Variants in PHLPP1 observed in about 807,000 individuals in gnomAD.
The protein encoded by PHLPP1 is PH domain and leucine rich repeat protein phosphatase 1.
PHLPP1 carries 42 observed loss-of-function variants against 117.2 expected under a neutral mutation model. The observed-to-expected ratio is 0.36, with a 90% CI of 0.28 to 0.46. The LOEUF is 0.46. Ranked by LOEUF, PHLPP1 falls within the 20% of genes least tolerant of loss-of-function variation. The probability of loss-of-function intolerance (pLI) is 1.00; values close to 1 mark genes in which losing one functional copy is unlikely to be tolerated. For synonymous variants in PHLPP1, 1,042 were observed against 970.7 expected (o/e 1.07, Z -1.37); for missense variants, 2,084 against 2,241.9 (o/e 0.93, Z 1.42).
At position 62,842,402 on chromosome 18, in the gene PHLPP1, C is replaced by T. The variant is rs1040497262; in HGVS notation, c.1899+3493C>T. Among the ~76,000 whole-genome samples the T allele has an allele frequency of 5.9e-5, 9 of 151,544 alleles. No individual in the cohort carries two copies. The South Asian group carries it at 8.3e-4, about 14-fold the overall frequency. On this transcript the variant is annotated intron_variant, in intron 3 of 16. Transcript: ENST00000262719. ...TTTTTGAGATGGAGTCTTGCTCTGT[C>T]GCTGAGCCTGGAGTGCAGTAGTGTG...
At chr18:62,938,725 T>G (rs1297799366) in intron 10 of PHLPP1, among the ~76,000 whole-genome samples, 1 of 152,192 alleles carries the variant, frequency 6.6e-6, no homozygotes, top group Non-Finnish European at 1.5e-5. Context: ...GTTCCTTAAT[T>G]ACAGACAACT....
At chr18:62,748,480 C>T (rs1911746444) in intron 1 of PHLPP1, among the ~76,000 whole-genome samples, 1 of 152,094 alleles carries the variant, frequency 6.6e-6, no homozygotes, top group Admixed American at 6.5e-5. Context: ...CTCCTGGGCT[C>T]AAGCAGTCTG....
rs774225759 is a variant in PHLPP1, at chr18:62,900,433, CTTTTTTTTTTTT to C, written c.2445-2514_2445-2503del. Among the ~76,000 whole-genome samples the C allele has an allele frequency of 1.6e-3, 89 of 54,262 alleles. 1 individual carries two copies. Among genetic ancestry groups the C allele is most frequent in the South Asian group, 0.016 (21 of 1,338 alleles). 35.6% of individuals were successfully genotyped at this position (54,262 alleles called of 152,430 possible). The stretch of plus-strand genomic sequence containing the variant: ...GTATTCTTGTTTTTTCTTTTTCTTT[CTTTTTTTTTTTT>C]TTTTTTTTTTTTTTTTGAGACAGGG... On this transcript the variant is annotated intron_variant, in intron 6 of 16. Transcript: ENST00000262719.
In PHLPP1 at chr18:62,716,028, C is replaced by T; in HGVS notation, c.345C>T (p.Gly115=). Residue 115 remains glycine (G), a synonymous_variant, in exon 1 of 17, where the codon GGC becomes GGT. Transcript: ENST00000262719. This position sits in a 1 kb window ranked among gnomAD's most constrained non-coding sequence, Gnocchi z 5.7. ...GAAPVPGAGG[G]ANSLLLRRGR... The stretch of plus-strand genomic sequence containing the variant: ...CCCCCGTACCCGGGGCCGGCGGCGG[C>T]GCCAACTCCCTCCTGCTGAGGAGAG... 6.4e-6 allele frequency: 9 copies of T among 1,401,710 alleles called. No individual in the cohort carries two copies. Among genetic ancestry groups the T allele is most frequent in the Non-Finnish European group, 5.5e-6 (6 of 1,087,042 alleles). The allele number at this position is 1,401,710 out of a possible 1,614,324, so 86.8% of individuals were successfully genotyped here.
chr18:62,826,771 G>A (rs529880539), intron 1 of PHLPP1, among the ~76,000 whole-genome samples: 1 of 152,272 alleles, frequency 6.6e-6, no homozygotes, highest in South Asian at 2.1e-4. Context: ...GGGAGGCCGA[G>A]GTGGGTGGAT....
At chr18:62,760,670 G>A (rs114272706) in intron 1 of PHLPP1, among the ~76,000 whole-genome samples, 1,816 of 152,190 alleles carry the variant, frequency 0.012, 38 homozygotes, top group African/African-American at 0.042. Context: ...CTTCCTCCAC[G>A]TCCACATTGT....
intron 1 of PHLPP1, among the ~76,000 whole-genome samples, chr18:62,823,986 G>A (rs1914539372): frequency 6.6e-6 from 1 of 152,212 alleles, no homozygotes; most frequent in Non-Finnish European, 1.5e-5. Context: ...ACAAAAATTA[G>A]CCAGGCGTGG....
chr18:62,802,388 G>A (rs1913813554), intron 1 of PHLPP1, among the ~76,000 whole-genome samples: 1 of 152,156 alleles, frequency 6.6e-6, no homozygotes, highest in South Asian at 2.1e-4. Context: ...AAGGAAAAGA[G>A]CAAAGTGGAG....
chr18:62,900,591 A>G (rs553379055), intron 6 of PHLPP1, among the ~76,000 whole-genome samples: 1 of 151,128 alleles, frequency 6.6e-6, no homozygotes, highest in South Asian at 2.1e-4. Context: ...CCAGCCTCTC[A>G]AATAGCTGGG....
intron 1 of PHLPP1, among the ~76,000 whole-genome samples, chr18:62,783,236 T>C (rs1295338722): frequency 6.7e-6 from 1 of 148,816 alleles, no homozygotes; most frequent in Non-Finnish European, 1.5e-5. Flanking sequence ...TTTCTTTTTT[T>C]TTTTTTTTTG....
intron 3 of PHLPP1, among the ~76,000 whole-genome samples, chr18:62,848,383 T>C (rs1915234408): frequency 6.6e-6 from 1 of 152,004 alleles, no homozygotes; most frequent in Non-Finnish European, 1.5e-5. Flanking sequence ...TGGCAAGCAC[T>C]GTTGAAGATA....
intron 8 of PHLPP1, among the ~76,000 whole-genome samples, chr18:62,912,076 C>G (rs1260710292): frequency 8.7e-6 from 1 of 114,846 alleles, no homozygotes; most frequent in African/African-American, 3.3e-5. Context: ...ACCGCATATT[C>G]TCACTCATAG....
chr18:62,820,557 G>T (rs1012418043), intron 1 of PHLPP1, among the ~76,000 whole-genome samples: 1 of 152,202 alleles, frequency 6.6e-6, no homozygotes, highest in Non-Finnish European at 1.5e-5. Flanking sequence ...GATGGTGAGT[G>T]AGTTCTCATG....
At position 62,803,107 on chromosome 18, in the gene PHLPP1, CAA is replaced by C. The variant is rs369838802; in HGVS notation, c.1577-26926_1577-26925del. Among the ~76,000 whole-genome samples, 208 of 152,246 alleles carry C rather than the reference CAA, an allele frequency of 1.4e-3. 1 individual carries two copies. Among genetic ancestry groups the C allele is most frequent in the African/African-American group, 4.6e-3 (193 of 41,552 alleles). On this transcript the variant is annotated intron_variant, in intron 1 of 16. Coordinates refer to ENST00000262719, the MANE Select transcript of PHLPP1 (RefSeq NM_194449.4). ...ATAAAATCAGATTTAGAAATAATCT[CAA>C]ATGTTTTGTTCTGGAAGACTATGCT...
rs1916237789 is a variant in PHLPP1 at position 62,884,474 on chromosome 18, T to C, written c.2067-10537T>C. Among the ~76,000 whole-genome samples the C allele has an allele frequency of 4.6e-5, 7 of 152,362 alleles. No individual in the cohort carries two copies. The South Asian group carries it at 1.4e-3, about 32-fold the overall frequency. ...AAATACAGTGAGTCTTACAGAGCAC[T>C]GACAGCCTGGCAACTCCCCACTAAG... On this transcript the variant is annotated intron_variant, in intron 4 of 16. Coordinates refer to ENST00000262719, the MANE Select transcript of PHLPP1 (RefSeq NM_194449.4).
At chr18:62,728,111 A>G (rs972628327) in intron 1 of PHLPP1, among the ~76,000 whole-genome samples, 4 of 151,986 alleles carry the variant, frequency 2.6e-5, no homozygotes, top group African/African-American at 4.8e-5. Context: ...CCTGGCCAAC[A>G]TGGTGAAACC....
Position 62,766,765 on chromosome 18 carries a change from A to T in PHLPP1, c.1576+49506A>T, listed in dbSNP as rs537438205. On this transcript the variant is annotated intron_variant, in intron 1 of 16. Transcript: ENST00000262719. ...TGGCTTTCCTGTCTTACTGGTTTTG[A>T]ACTTGGGCTGGAAAAATAAGGGTGT... 2.6e-5 allele frequency among the ~76,000 whole-genome samples: 4 copies of T among 152,218 alleles called. No individual in the cohort carries two copies. In the South Asian group the frequency reaches 8.3e-4, roughly 32 times the overall value.
chr18:62,788,112 A>G (rs1913350034), intron 1 of PHLPP1, among the ~76,000 whole-genome samples: 1 of 152,198 alleles, frequency 6.6e-6, no homozygotes, highest in Non-Finnish European at 1.5e-5. Flanking sequence ...AGCATTTTCT[A>G]TCTGTTTGAA....
At chr18:62,921,023 A>T (rs2144426830) in intron 10 of PHLPP1, among the ~76,000 whole-genome samples, 1 of 152,364 alleles carries the variant, frequency 6.6e-6, no homozygotes, top group African/African-American at 2.4e-5. Context: ...TTTCAACATT[A>T]AATGAAGCTC....
Sources: allele counts gnomAD v4.1 joint callset (sites outside exome capture counted in the v4.1 genomes callset), GRCh38; gene constraint gnomAD v4.1.1; non-coding constraint Gnocchi (gnomAD v3.1); transcripts MANE v1.5; gene names NCBI Gene and HGNC (gene_info 2026-07-23, HGNC 2026-07-21).